ARFGEF3: variants seen among roughly 807,000 people sequenced by gnomAD.
The protein encoded by ARFGEF3 is brefeldin A-inhibited guanine nucleotide-exchange protein 3.
A neutral mutation model predicts 221.7 loss-of-function variants in ARFGEF3; 96 were observed. The observed-to-expected ratio is 0.43, with a 90% confidence interval of 0.37 to 0.51. The LOEUF (loss-of-function observed/expected upper bound fraction) is 0.51, where lower values mean the gene tolerates loss of function less well. Among genes scored for constraint, ARFGEF3 ranks in the 20% least tolerant of loss-of-function variants. The probability of loss-of-function intolerance (pLI) is 0.00; values close to 1 mark genes in which losing one functional copy is unlikely to be tolerated. For missense variants in ARFGEF3, 2,410 were observed against 2,789.9 expected, an observed-to-expected ratio of 0.86 and a Z score of 3.07; for synonymous variants, 1,145 against 1,126.8, an observed-to-expected ratio of 1.02 and a Z score of -0.32.
chr6:138,192,352 TG>T (rs1777320832), intron 2 of ARFGEF3, among the ~76,000 whole-genome samples: 1 of 152,172 alleles, frequency 6.6e-6, no homozygotes, highest in Admixed American at 6.5e-5. Context: ...CCAAGTATGA[TG>T]GCAGGCACCT....
At chr6:138,317,621 G>C (rs1379542724) in intron 27 of ARFGEF3, among the ~76,000 whole-genome samples, 1 of 152,200 alleles carries the variant, frequency 6.6e-6, no homozygotes, top group Non-Finnish European at 1.5e-5. Context: ...CAGTTAGTTG[G>C]ATGTGTAGGA....
chr6:138,184,655 G>A (rs1164756288), intron 2 of ARFGEF3, among the ~76,000 whole-genome samples: 1 of 152,220 alleles, frequency 6.6e-6, no homozygotes, highest in Admixed American at 6.5e-5. Context: ...CTTGACTATG[G>A]CAGTCTTAAG....
At chr6:138,321,292 A>C in intron 29 of ARFGEF3, 67 bp downstream of exon 29, 1 of 947,048 alleles carries the variant, frequency 1.1e-6, no homozygotes, top group Non-Finnish European at 1.6e-6. Flanking sequence ...AAGAAATTAA[A>C]TTGTCTTTGT....
intron 2 of ARFGEF3, among the ~76,000 whole-genome samples, chr6:138,179,585 C>G (rs1279315462): frequency 2.6e-5 from 4 of 152,124 alleles, no homozygotes; most frequent in Non-Finnish European, 5.9e-5. Context: ...TAGATAATGA[C>G]ATATTCCTCC....
chr6:138,188,538 C>T (rs1033582383), intron 2 of ARFGEF3, among the ~76,000 whole-genome samples: 2 of 152,178 alleles, frequency 1.3e-5, no homozygotes, highest in African/African-American at 4.8e-5. Flanking sequence ...AAAGGTCATG[C>T]ATTTATATGG....
chr6:138,326,572 C>A (rs1011353139), intron 31 of ARFGEF3, among the ~76,000 whole-genome samples: 4 of 152,198 alleles, frequency 2.6e-5, no homozygotes, highest in African/African-American at 9.6e-5. Context: ...GAGATACCAT[C>A]TCACTCAGAA....
At position 138,162,275 on chromosome 6, in the gene ARFGEF3, C is replaced by A. The variant is rs1285051225; in HGVS notation, c.85+104C>A. ...TTCGCGGAGCGTCGGTCATGGGTGC[C>A]GTTCTGGCGATTGCGAGAGTCGCCT... On this transcript the variant is annotated intron_variant, in intron 1 of 33. Coordinates refer to ENST00000251691, the MANE Select transcript of ARFGEF3 (RefSeq NM_020340.5). The surrounding 1 kb of genome is among the most constrained non-coding windows in gnomAD (Gnocchi z 4.7). The A allele has an allele frequency of 9.5e-6, 7 of 733,226 alleles. No homozygotes were observed. Among genetic ancestry groups the A allele is most frequent in the Non-Finnish European group, 1.5e-5 (7 of 470,168 alleles). 45.4% of individuals were successfully genotyped at this position (733,226 alleles called of 1,614,324 possible).
intron 14 of ARFGEF3, among the ~76,000 whole-genome samples, chr6:138,280,419 G>A (rs1226659605): frequency 6.6e-6 from 1 of 152,202 alleles, no homozygotes; most frequent in Non-Finnish European, 1.5e-5. Context: ...ACCTTTGTCT[G>A]TTGGTGTAAA....
At chr6:138,236,395 C>G (rs888983111) in intron 5 of ARFGEF3, among the ~76,000 whole-genome samples, 2 of 152,200 alleles carry the variant, frequency 1.3e-5, no homozygotes, top group Non-Finnish European at 2.9e-5. Flanking sequence ...TTGGCTTCAT[C>G]AAAGTGAATC....
In ARFGEF3 at chr6:138,291,957, G is replaced by A; in HGVS notation, c.3272G>A (p.Gly1091Asp). 1 of 1,530,902 alleles carries A rather than the reference G, an allele frequency of 6.5e-7. No homozygotes were observed. The highest frequency in any genetic ancestry group is 8.8e-7 in the Non-Finnish European group (1 of 1,140,360). 94.8% of individuals were successfully genotyped at this position (1,530,902 alleles called of 1,614,324 possible). A position where few individuals can be genotyped will look rare whatever the true frequency, so the allele number is the denominator to read the frequency against. The change falls in exon 19 of 34, where the codon GGC becomes GAC. Residue 1091 changes from glycine to aspartate, a missense_variant. By Grantham distance (94) the Gly-to-Asp change is moderately conservative. Around this residue, in one of 5 missense-constraint regions of ARFGEF3, gnomAD observed 184 missense variants for 141.8 expected, o/e 1.30. Transcript: ENST00000251691. The surrounding 1 kb of genome is among the most constrained non-coding windows in gnomAD (Gnocchi z 4.5). Reference sequence around the variant, plus strand: ...TCCATCCAGGACCTCGTCCGGGAAGGCAGCCGGGGTCGGGCCTCCGACTTC... The same window carrying A: ...TCCATCCAGGACCTCGTCCGGGAAGACAGCCGGGGTCGGGCCTCCGACTTC... ...PLSIQDLVRE[G>D]SRGRASDFRG...
intron 8 of ARFGEF3, among the ~76,000 whole-genome samples, chr6:138,252,452 C>A (rs72986871): frequency 0.046 from 7,045 of 152,252 alleles, 244 homozygotes; most frequent in Non-Finnish European, 0.078. Context: ...ATAAAGGACT[C>A]CACCCCCTCA....
chr6:138,175,454 G>A (rs990867815), intron 2 of ARFGEF3, among the ~76,000 whole-genome samples: 21 of 152,086 alleles, frequency 1.4e-4, no homozygotes, highest in Admixed American at 6.5e-5. Context: ...GAATTAGTGG[G>A]CTACTCAGGT....
At chr6:138,210,311 T>C (rs1251764756) in intron 4 of ARFGEF3, among the ~76,000 whole-genome samples, 4 of 152,212 alleles carry the variant, frequency 2.6e-5, no homozygotes, top group African/African-American at 7.2e-5. Context: ...TAAGAGAATG[T>C]ATGTGAGTAG....
intron 8 of ARFGEF3, among the ~76,000 whole-genome samples, chr6:138,246,902 T>G (rs1469553804): frequency 6.6e-6 from 1 of 152,192 alleles, no homozygotes; most frequent in African/African-American, 2.4e-5. Flanking sequence ...CTGTGTGAGA[T>G]GATGGATATG....
Position 138,288,276 on chromosome 6 carries a change from C to T in ARFGEF3, c.2896+1092C>T, listed in dbSNP as rs182937448. On this transcript the variant is annotated intron_variant, in intron 17 of 33. Transcript: ENST00000251691. ...GCATGTGCCTGTAGTCCCAGCTACT[C>T]GGGAGGCTGAGGTGGGAGGATCACC... Among the ~76,000 whole-genome samples, 561 of 151,842 alleles carry T rather than the reference C, an allele frequency of 3.7e-3. 4 individuals are homozygous for T. The highest frequency in any genetic ancestry group is 0.013 in the African/African-American group (542 of 41,396).
At chr6:138,214,672 A>G (rs1239434733) in intron 4 of ARFGEF3, among the ~76,000 whole-genome samples, 2 of 152,242 alleles carry the variant, frequency 1.3e-5, no homozygotes, top group Non-Finnish European at 2.9e-5. Context: ...AAAGAAAATA[A>G]TATAGTTTCC....
intron 22 of ARFGEF3, among the ~76,000 whole-genome samples, chr6:138,299,666 A>G (rs1269820360): frequency 6.6e-6 from 1 of 151,944 alleles, no homozygotes; most frequent in Non-Finnish European, 1.5e-5. Context: ...CCCGCGAGGG[A>G]ATTTGCTAGC....
In ARFGEF3 at chr6:138,245,528, C is replaced by A. The variant is rs192623819; in HGVS notation, c.602C>A (p.Ser201Tyr). Residue 201 changes from serine to tyrosine, a missense_variant, in exon 8 of 34, where the codon TCC (serine) becomes TAC (tyrosine). Coordinates refer to ENST00000251691, the MANE Select transcript of ARFGEF3 (RefSeq NM_020340.5). ...DFGNQGSTVE[S>Y]LCDDVVSVLT... ...TGTTTTGAAGGGTCAACAGTAGAGT[C>A]CCTCTGTGATGATGTTGTCTCTGTA... 1 of 1,611,096 alleles carries A rather than the reference C, an allele frequency of 6.2e-7. No individual in the cohort carries two copies. The highest frequency in any genetic ancestry group is 8.5e-7 in the Non-Finnish European group (1 of 1,178,720).
At chr6:138,276,496 T>A (rs1050998650) in intron 12 of ARFGEF3, among the ~76,000 whole-genome samples, 3 of 152,136 alleles carry the variant, frequency 2.0e-5, no homozygotes, top group African/African-American at 7.2e-5. Flanking sequence ...GTATAAAATG[T>A]CTTTTAAAAG....
Sources: gnomAD v4.1 joint callset for allele counts (sites outside exome capture counted in the v4.1 genomes callset) on GRCh38, gnomAD v4.1.1 for gene constraint, gnomAD v4.1.1 regional missense constraint, Gnocchi (gnomAD v3.1) non-coding constraint, MANE v1.5 for transcripts, NCBI Gene and HGNC (gene_info 2026-07-23, HGNC 2026-07-21) for gene names.